The following PTPRU variants were observed in gnomAD, a reference collection of about 807,000 sequenced individuals.
The protein encoded by PTPRU is receptor-type tyrosine-protein phosphatase U.
Under a neutral mutation model 166.3 loss-of-function variants are expected in PTPRU, and 69 were observed. That is an observed-to-expected ratio of 0.41 (90% CI 0.34 to 0.51). The LOEUF (loss-of-function observed/expected upper bound fraction) is 0.51, where lower values mean the gene tolerates loss of function less well. Among genes scored for constraint, PTPRU ranks in the 20% least tolerant of loss-of-function variants. The pLI, the probability that PTPRU is intolerant of heterozygous loss-of-function variation, is 0.09. For missense variants in PTPRU, 1,657 were observed against 2,013.7 expected (o/e 0.82, Z 3.39); for synonymous variants, 793 against 814.0 (o/e 0.97, Z 0.44).
intron 18 of PTPRU, among the ~76,000 whole-genome samples, chr1:29,309,522 G>T (rs1687552815): frequency 1.3e-5 from 2 of 152,080 alleles, no homozygotes. Flanking sequence ...TATCTTCAAG[G>T]ATACTGCTTC....
At chr1:29,259,123 G>T in intron 3 of PTPRU, 138 bp from the exon 4 acceptor site, 1 of 984,676 alleles carries the variant, frequency 1.0e-6, no homozygotes. Context: ...TAGCTGGCTT[G>T]GGAGGGAGGG....
At chr1:29,293,632 G>A (rs570736450) in intron 15 of PTPRU, among the ~76,000 whole-genome samples, 3 of 151,990 alleles carry the variant, frequency 2.0e-5, no homozygotes, top group African/African-American at 4.8e-5. Flanking sequence ...CCGCCACTGC[G>A]CCCGGCTAAT....
Position 29,259,276 on chromosome 1 carries a change from C to T in PTPRU, c.493C>T (p.Leu165Phe). 1 of 1,613,792 alleles carries T rather than the reference C, an allele frequency of 6.2e-7. No homozygotes were observed. Among genetic ancestry groups the T allele is most frequent in the Non-Finnish European group, 8.5e-7 (1 of 1,179,730 alleles). ...PNEYQVLFEA[L>F]ISPDRRGYMG... ...CCTCCCCCAGGTGCTGTTTGAGGCC[C>T]TCATCTCCCCAGACCGCAGGGGCTA... Residue 165 changes from leucine (L) to phenylalanine (F), a missense_variant, in exon 4 of 30, where the codon CTC becomes TTC. Around this residue, in one of 3 missense-constraint regions of PTPRU, gnomAD observed 453 missense variants for 496.9 expected, o/e 0.91. Coordinates refer to ENST00000373779, the MANE Select transcript of PTPRU (RefSeq NM_133178.4).
intron 15 of PTPRU, among the ~76,000 whole-genome samples, chr1:29,300,587 G>A (rs1386350322): frequency 6.6e-6 from 1 of 152,170 alleles, no homozygotes; most frequent in Non-Finnish European, 1.5e-5. Flanking sequence ...TTCCCCATCT[G>A]TAAAATTAAG....
rs574445268 is a variant in PTPRU, at chr1:29,316,684, C to T, written c.3513+533C>T. 1.8e-4 allele frequency among the ~76,000 whole-genome samples: 28 copies of T among 152,242 alleles called. 1 individual carries two copies. In the South Asian group the frequency reaches 5.0e-3, roughly 27 times the overall value. Reference sequence around the variant, plus strand: ...CTTCATTCTCAGACCTGCACCTGGCCGCCAGCAGTGCTGGGCTCCCATCAT... The same window carrying T: ...CTTCATTCTCAGACCTGCACCTGGCTGCCAGCAGTGCTGGGCTCCCATCAT... On this transcript the variant is annotated intron_variant, in intron 24 of 29. Coordinates refer to ENST00000373779, the MANE Select transcript of PTPRU (RefSeq NM_133178.4).
intron 15 of PTPRU, 97 bp downstream of exon 15, chr1:29,292,123 A>G (rs1686670651): frequency 7.0e-7 from 1 of 1,428,546 alleles, no homozygotes; most frequent in Non-Finnish European, 9.5e-7. Flanking sequence ...TAACACCTGC[A>G]ACCAAAAGTG....
intron 7 of PTPRU, among the ~76,000 whole-genome samples, chr1:29,266,411 C>A (rs1166166924): frequency 3.9e-5 from 6 of 152,096 alleles, no homozygotes; most frequent in Non-Finnish European, 8.8e-5. Flanking sequence ...AATCAATATT[C>A]GTAAGTGTTT....
Position 29,317,977 on chromosome 1 carries a change from A to T in PTPRU, c.3687+56A>T. 6.3e-7 allele frequency: 1 copy of T among 1,594,074 alleles called. No individual in the cohort carries two copies. Among genetic ancestry groups the T allele is most frequent in the South Asian group, 1.1e-5 (1 of 90,270 alleles). On this transcript the variant is annotated intron_variant, in intron 25 of 29. Coordinates refer to ENST00000373779, the MANE Select transcript of PTPRU (RefSeq NM_133178.4). The surrounding 1 kb of genome is among the most constrained non-coding windows in gnomAD (Gnocchi z 5.6). ...GCTCCCCTTCCCAGCAGCATCAGGG[A>T]AGGTCCAGGGGCCACGGGAACAAAG...
chr1:29,267,050 C>A (rs1242866435), intron 7 of PTPRU, among the ~76,000 whole-genome samples: 3 of 151,940 alleles, frequency 2.0e-5, no homozygotes, highest in African/African-American at 7.3e-5. Flanking sequence ...CATAGCAAAA[C>A]CCTGTCTCTA....
rs962527563 is a variant in PTPRU at position 29,305,672 on chromosome 1, A to G, written c.2820+244A>G. On this transcript the variant is annotated intron_variant, in intron 18 of 29. Coordinates refer to ENST00000373779, the MANE Select transcript of PTPRU (RefSeq NM_133178.4). ...GAGGTGCTTTAGAGAAGCAAAGCAA[A>G]GGGAAGAGGCAGACAGCTAGGCCAA... is the stretch of plus-strand genomic sequence containing the variant. The G allele has an allele frequency of 4.3e-6, 3 of 693,724 alleles. No individual in the cohort carries two copies. The African/African-American group carries it at 5.2e-5, about 12-fold the overall frequency. The allele number at this position is 693,724 out of a possible 1,614,324, so 43.0% of individuals were successfully genotyped here. A position where few individuals can be genotyped will look rare whatever the true frequency, so the allele number is the denominator to read the frequency against.
At position 29,325,831 on chromosome 1, in the gene PTPRU, C is replaced by T. The variant is rs1178374999; in HGVS notation, c.*170C>T. The T allele has an allele frequency of 3.6e-5, 27 of 742,746 alleles. No individual in the cohort carries two copies. Among genetic ancestry groups the T allele is most frequent in the East Asian group, 1.5e-4 (5 of 33,486 alleles). The allele number at this position is 742,746 out of a possible 1,614,324, so 46.0% of individuals were successfully genotyped here. A position where few individuals can be genotyped will look rare whatever the true frequency, so the allele number is the denominator to read the frequency against. On this transcript the variant is annotated 3_prime_UTR_variant, in exon 30 of 30. Coordinates refer to ENST00000373779, the MANE Select transcript of PTPRU (RefSeq NM_133178.4). ...CCCTTCCACTGTGGGCAGGGCCTTTCGCTTGTCCCATGGGCGGGTGGTGGG... is the reference window on the plus strand; with the variant it reads ...CCCTTCCACTGTGGGCAGGGCCTTTTGCTTGTCCCATGGGCGGGTGGTGGG...
In PTPRU at chr1:29,259,922, G is replaced by A. The variant is rs1337958962; in HGVS notation, c.728G>A (p.Arg243Gln). Residue 243 changes from arginine (R) to glutamine (Q), a missense_variant, in exon 6 of 30, where the codon CGG (arginine) becomes CAG (glutamine). Coordinates refer to ENST00000373779, the MANE Select transcript of PTPRU (RefSeq NM_133178.4). ...GCGGGCGTGCGGCACATCAGCCACCGGCGCTTCCTGGCCACTTTCCCGCTG... is the reference window on the plus strand; with the variant it reads ...GCGGGCGTGCGGCACATCAGCCACCAGCGCTTCCTGGCCACTTTCCCGCTG... ...PAAGVRHISH[R>Q]RFLATFPLAA... is the part of the protein sequence containing the mutation. 1 of 1,533,508 alleles carries A rather than the reference G, an allele frequency of 6.5e-7. No individual in the cohort carries two copies. The allele number at this position is 1,533,508 out of a possible 1,614,324, so 95.0% of individuals were successfully genotyped here.
Position 29,304,037 on chromosome 1 carries a change from G to C in PTPRU, c.2659G>C (p.Glu887Gln). 6.2e-7 allele frequency: 1 copy of C among 1,604,296 alleles called. No individual in the cohort carries two copies. The highest frequency in any genetic ancestry group is 8.5e-7 in the Non-Finnish European group (1 of 1,173,426). Residue 887 changes from glutamate to glutamine, a missense_variant, in exon 16 of 30, where the codon GAG becomes CAG. Physicochemically the swap from Glu to Gln is conservative, Grantham distance 29 (BLOSUM62 2). Transcript: ENST00000373779. ...KTAEGYGFKQ[E>Q]YESFFEGWDA... ...GGCCGAGGGTTACGGCTTCAAGCAG[G>C]AGTATGAGGTGCACGCCGGCCCCGG...
Position 29,236,653 on chromosome 1 carries a change from T to C in PTPRU, c.9T>C (p.Arg3=). Residue 3 remains arginine (R), a synonymous_variant, in exon 1 of 30, where the codon CGT becomes CGC. Transcript: ENST00000373779. This position sits in a 1 kb window ranked among gnomAD's most constrained non-coding sequence, Gnocchi z 4.6. MA[R]AQALVLALTF... Reference sequence around the variant, plus strand: ...GCGGCGACGCTCCAACCATGGCCCGTGCCCAGGCGCTCGTGCTGGCACTCA... The same window carrying C: ...GCGGCGACGCTCCAACCATGGCCCGCGCCCAGGCGCTCGTGCTGGCACTCA... The C allele has an allele frequency of 7.0e-7, 1 of 1,420,854 alleles. No homozygotes were observed. The highest frequency in any genetic ancestry group is 9.2e-7 in the Non-Finnish European group (1 of 1,085,366). The allele number at this position is 1,420,854 out of a possible 1,614,324, so 88.0% of individuals were successfully genotyped here.
Position 29,260,121 on chromosome 1 carries a change from CG to C in PTPRU, c.850+82del. ...GCCGGCGACGGGGGCGGGCTCTGCCCGGGGGCGTGGCCGTGGGGGGTGGGGC... is the reference window on the plus strand; with the variant it reads ...GCCGGCGACGGGGGCGGGCTCTGCCCGGGGCGTGGCCGTGGGGGGTGGGGC... On this transcript the variant is annotated intron_variant, in intron 6 of 29. Transcript: ENST00000373779. This position sits in a 1 kb window ranked among gnomAD's most constrained non-coding sequence, Gnocchi z 8.3. 1 of 336,534 alleles carries C rather than the reference CG, an allele frequency of 3.0e-6. No homozygotes were observed. Among genetic ancestry groups the C allele is most frequent in the South Asian group, 5.4e-5 (1 of 18,364 alleles). 20.8% of individuals were successfully genotyped at this position (336,534 alleles called of 1,614,324 possible).
chr1:29,323,919 G>A lies in PTPRU; in HGVS notation c.4112+131G>A, dbSNP rs561393759. ...GAAACCCCTGGGCTCTTAGATGGCT[G>A]TGGCCAGGATGCTGCCCAACCAGCC... On this transcript the variant is annotated intron_variant, in intron 28 of 29. Transcript: ENST00000373779. 408 of 1,191,556 alleles carry A rather than the reference G, an allele frequency of 3.4e-4. 2 individuals are homozygous for A. The African/African-American group carries it at 5.7e-3, about 17-fold the overall frequency. 73.8% of individuals were successfully genotyped at this position (1,191,556 alleles called of 1,614,324 possible). A position where few individuals can be genotyped will look rare whatever the true frequency, so the allele number is the denominator to read the frequency against.
intron 14 of PTPRU, among the ~76,000 whole-genome samples, chr1:29,285,579 G>A (rs1686305319): frequency 6.6e-6 from 1 of 152,236 alleles, no homozygotes; most frequent in Non-Finnish European, 1.5e-5. Flanking sequence ...GTAGGATTTA[G>A]GACTCTAGGA....
chr1:29,276,463 G>A (rs1025549573), intron 8 of PTPRU, among the ~76,000 whole-genome samples: 1 of 152,086 alleles, frequency 6.6e-6, no homozygotes, highest in African/African-American at 2.4e-5. Context: ...CTATAGACGT[G>A]CACTGCCATG....
chr1:29,301,225 T>C lies in PTPRU; in HGVS notation c.2477-2630T>C, dbSNP rs535772173. 2.0e-5 allele frequency among the ~76,000 whole-genome samples: 3 copies of C among 152,290 alleles called. No individual in the cohort carries two copies. The East Asian group carries it at 5.8e-4, about 29-fold the overall frequency. ...ATGCGTACAATCATGCACTGCATAA[T>C]GAAGTTTTGGTCAACAATGGACCAC... On this transcript the variant is annotated intron_variant, in intron 15 of 29. Transcript: ENST00000373779.
Sources: gnomAD v4.1 joint callset for allele counts (sites outside exome capture counted in the v4.1 genomes callset) on GRCh38, gnomAD v4.1.1 for gene constraint, gnomAD v4.1.1 regional missense constraint, Gnocchi (gnomAD v3.1) non-coding constraint, MANE v1.5 for transcripts, NCBI Gene and HGNC (gene_info 2026-07-23, HGNC 2026-07-21) for gene names.